The following RAB27B variants were observed in gnomAD, a reference collection of about 807,000 sequenced individuals.
RAB27B encodes RAB27B, member RAS oncogene family.
Under a neutral mutation model 24.6 loss-of-function variants are expected in RAB27B, and 15 were observed. The ratio of observed to expected loss-of-function variants is 0.61; its 90% confidence interval spans 0.41 to 0.94. RAB27B has a LOEUF of 0.94. RAB27B is among the 40% of genes least tolerant of loss of function. RAB27B has a pLI of 0.00. For missense variants in RAB27B, 261 were observed against 266.8 expected (o/e 0.98, Z 0.15); for synonymous variants, 105 against 92.5 (o/e 1.14, Z -0.78).
At chr18:54,873,722 T>A (rs1208069603) in intron 1 of RAB27B, among the ~76,000 whole-genome samples, 2 of 145,958 alleles carry the variant, frequency 1.4e-5, no homozygotes, top group Non-Finnish European at 3.0e-5. Context: ...TGTGTGTGTG[T>A]GTGTGTGAGT....
At chr18:54,792,691 C>T (rs1223418149) in intron 2 of RAB27B, among the ~76,000 whole-genome samples, 2 of 151,914 alleles carry the variant, frequency 1.3e-5, no homozygotes, top group Non-Finnish European at 2.9e-5. Flanking sequence ...ATATTTTTTT[C>T]TTCACTGCTC....
At chr18:54,772,391 T>G (rs1177773023) in intron 2 of RAB27B, among the ~76,000 whole-genome samples, 2 of 152,228 alleles carry the variant, frequency 1.3e-5, no homozygotes, top group Non-Finnish European at 2.9e-5. Flanking sequence ...AAATGAAGAC[T>G]GGGAATTAGA....
chr18:54,752,155 G>A (rs1907853984), intron 2 of RAB27B, among the ~76,000 whole-genome samples: 1 of 152,150 alleles, frequency 6.6e-6, no homozygotes, highest in Non-Finnish European at 1.5e-5. Context: ...GAACATGGTG[G>A]TGAGCTCACT....
At chr18:54,823,419 GGTCAA>G (rs66850860) in intron 2 of RAB27B, among the ~76,000 whole-genome samples, 34,614 of 151,884 alleles carry the variant, frequency 0.23, 4,134 homozygotes, top group East Asian at 0.39. Context: ...TCAGTGAGGG[GGTCAA>G]GTCAAGAGAA....
chr18:54,726,145 TAATTC>T (rs1475903336), intron 2 of RAB27B, among the ~76,000 whole-genome samples: 2 of 151,440 alleles, frequency 1.3e-5, no homozygotes, highest in African/African-American at 4.8e-5. Context: ...AGTTGAATAA[TAATTC>T]AAGTAAGAAA....
chr18:54,812,257 T>C (rs938948721), intron 2 of RAB27B, among the ~76,000 whole-genome samples: 1 of 149,914 alleles, frequency 6.7e-6, no homozygotes, highest in Non-Finnish European at 1.5e-5. Flanking sequence ...CAGAAATGAA[T>C]GAAGGATTTG....
At chr18:54,883,869 C>T (rs1046144758) in intron 3 of RAB27B, among the ~76,000 whole-genome samples, 5 of 152,114 alleles carry the variant, frequency 3.3e-5, no homozygotes, top group African/African-American at 9.7e-5. Context: ...AATTCCAATT[C>T]CTGTAGCTAA....
At chr18:54,732,268 A>T (rs1909754408) in intron 2 of RAB27B, among the ~76,000 whole-genome samples, 1 of 152,208 alleles carries the variant, frequency 6.6e-6, no homozygotes, top group Non-Finnish European at 1.5e-5. Context: ...CAATGAAAAG[A>T]TTTGGTGTAT....
chr18:54,857,323 A>G (rs982568738), intron 1 of RAB27B, among the ~76,000 whole-genome samples: 15 of 152,182 alleles, frequency 9.9e-5, no homozygotes, highest in Non-Finnish European at 1.2e-4. Flanking sequence ...AAATAATTCC[A>G]CCTTACTTCC....
At position 54,867,446 on chromosome 18, in the gene RAB27B, T is replaced by TTC. The variant is rs1555666342; in HGVS notation, c.-19-10120_-19-10119insCT. ...TGCTTTCTTTTCTTTTCTTTTCTTT[T>TTC]TTTTTTTTTTTTTTTTCTGAGATGG... On this transcript the variant is annotated intron_variant, in intron 1 of 5. Coordinates refer to ENST00000262094, the MANE Select transcript of RAB27B (RefSeq NM_004163.4). Among the ~76,000 whole-genome samples the TTC allele has an allele frequency of 1.6e-4, 14 of 88,364 alleles. No homozygotes were observed. In the South Asian group the frequency reaches 4.8e-3, roughly 30 times the overall value. The allele number at this position is 88,364 out of a possible 152,430, so 58.0% of individuals were successfully genotyped here. A position where few individuals can be genotyped will look rare whatever the true frequency, so the allele number is the denominator to read the frequency against.
At chr18:54,719,786 C>T (rs1598855414) in intron 2 of RAB27B, among the ~76,000 whole-genome samples, 3 of 152,016 alleles carry the variant, frequency 2.0e-5, no homozygotes, top group Non-Finnish European at 1.5e-5. Context: ...AAAATGCTTC[C>T]TATATTCCAA....
At chr18:54,780,920 T>G (rs1908895912) in intron 2 of RAB27B, among the ~76,000 whole-genome samples, 1 of 152,198 alleles carries the variant, frequency 6.6e-6, no homozygotes, top group Non-Finnish European at 1.5e-5. Context: ...TAACAGCTCA[T>G]TAGTAGTGTT....
At chr18:54,879,485 A>C (rs1912837293) in intron 3 of RAB27B, 31 bp downstream of exon 3, 1 of 1,548,812 alleles carries the variant, frequency 6.5e-7, no homozygotes, top group African/African-American at 1.4e-5. Context: ...TTGTGGCTAC[A>C]CATAGCTTAG....
rs759602420 is a variant in RAB27B at position 54,718,307 on chromosome 18, ACT to A, written c.-20+169_-20+170del. Among the ~76,000 whole-genome samples, 232 of 151,824 alleles carry A rather than the reference ACT, an allele frequency of 1.5e-3. 1 individual carries two copies. The highest frequency in any genetic ancestry group is 1.8e-3 in the Non-Finnish European group (124 of 67,934). On this transcript the variant is annotated intron_variant, in intron 2 of 4. Transcript: ENST00000586570. ...AGAAACCGCTAATGATGGGCCTGAAACTCTACTTTGGAGTGGCTGTGGTTTCC... is the reference window on the plus strand; with the variant it reads ...AGAAACCGCTAATGATGGGCCTGAAACTACTTTGGAGTGGCTGTGGTTTCC...
At chr18:54,789,847 G>C (rs990109104) in intron 2 of RAB27B, among the ~76,000 whole-genome samples, 2 of 152,044 alleles carry the variant, frequency 1.3e-5, no homozygotes, top group African/African-American at 4.8e-5. Flanking sequence ...TTTTTCAAGT[G>C]AACAACCTAT....
chr18:54,875,597 G>C (rs1024290772), intron 1 of RAB27B, among the ~76,000 whole-genome samples: 1 of 151,258 alleles, frequency 6.6e-6, no homozygotes. Flanking sequence ...AGAGAGCTCT[G>C]CTAGTGAAGA....
intron 2 of RAB27B, among the ~76,000 whole-genome samples, chr18:54,787,745 C>G (rs1053881550): frequency 1.3e-5 from 2 of 151,270 alleles, no homozygotes; most frequent in Non-Finnish European, 2.9e-5. Context: ...AAAAAAAAAC[C>G]TTCTCTAACT....
At chr18:54,814,515 C>T (rs1432964835) in intron 2 of RAB27B, among the ~76,000 whole-genome samples, 1 of 152,144 alleles carries the variant, frequency 6.6e-6, no homozygotes, top group Non-Finnish European at 1.5e-5. Flanking sequence ...AGTGATCCCA[C>T]TGTATCTGAG....
chr18:54,828,926 AG>A (rs750010343), intron 1 of RAB27B, among the ~76,000 whole-genome samples: 67 of 152,324 alleles, frequency 4.4e-4, no homozygotes, highest in Admixed American at 1.8e-3. Context: ...GCTCTCCTTG[AG>A]TGTTTGCTTA....
Sources: allele counts gnomAD v4.1 joint callset (sites outside exome capture counted in the v4.1 genomes callset), GRCh38; gene constraint gnomAD v4.1.1; transcripts MANE v1.5; gene names NCBI Gene and HGNC (gene_info 2026-07-23, HGNC 2026-07-21).